Variants in ARHGAP6 observed in about 807,000 individuals in gnomAD.
The protein encoded by ARHGAP6 is Rho GTPase activating protein 6, also known as rho GTPase-activating protein 6.
In ARHGAP6, 16 loss-of-function variants were observed where a neutral mutation model predicts 55.7. The ratio of observed to expected loss-of-function variants is 0.29; its 90% CI spans 0.19 to 0.44. ARHGAP6 has a LOEUF of 0.44. ARHGAP6 is among the 20% of genes least tolerant of loss of function. The probability of loss-of-function intolerance (pLI) is 1.00; values close to 1 mark genes in which losing one functional copy is unlikely to be tolerated. For synonymous variants in ARHGAP6, 382 were observed against 360.9 expected, an observed-to-expected ratio of 1.06 and a Z score of -0.66; for missense variants, 698 against 808.9, an observed-to-expected ratio of 0.86 and a Z score of 1.66.
chrX:11,588,424 C>A (rs192700345), intron 1 of ARHGAP6, among the ~76,000 whole-genome samples: 2 of 111,605 alleles, frequency 1.8e-5, no homozygotes, highest in East Asian at 2.8e-4. Flanking sequence ...TAGGTATATA[C>A]CCAAGATAAC....
In ARHGAP6 at chrX:11,656,699, A is replaced by T. The variant is rs763037078; in HGVS notation, c.588+7542T>A. ...TTTCATCCTCATATCTCCTTATCTG[A>T]CTCTGACCTTCCTGCCTCCCTCTTA... On this transcript the variant is annotated intron_variant, in intron 1 of 12. Coordinates refer to ENST00000337414, the MANE Select transcript of ARHGAP6 (RefSeq NM_013427.3). Among the ~76,000 whole-genome samples, 5 of 109,303 alleles carry T rather than the reference A, an allele frequency of 4.6e-5. No individual in the cohort carries two copies. In the East Asian group the frequency reaches 1.4e-3, roughly 31 times the overall value. 94.9% of individuals were successfully genotyped at this position (109,303 alleles called of 115,157 possible). A position where few individuals can be genotyped will look rare whatever the true frequency, so the allele number is the denominator to read the frequency against.
intron 2 of ARHGAP6, among the ~76,000 whole-genome samples, chrX:11,244,536 A>G (rs1055726472): frequency 4.5e-5 from 5 of 112,205 alleles, no homozygotes; most frequent in African/African-American, 6.5e-5. Context: ...AATGACCTAA[A>G]AAGGCTGATT....
chrX:11,311,965 T>A (rs1384152568), intron 1 of ARHGAP6, among the ~76,000 whole-genome samples: 1 of 108,955 alleles, frequency 9.2e-6, no homozygotes, highest in Non-Finnish European at 1.9e-5. Context: ...GAACTGTGTT[T>A]GGCAAGCTCA....
At chrX:11,585,158 C>T (rs762271224) in intron 1 of ARHGAP6, among the ~76,000 whole-genome samples, 3 of 112,504 alleles carry the variant, frequency 2.7e-5, no homozygotes, top group East Asian at 5.5e-4. Context: ...ATATGTACCA[C>T]ATTTTCTTTA....
chrX:11,490,550 ATAATAAAGGTGTATGG>A (rs1455272716), intron 1 of ARHGAP6, among the ~76,000 whole-genome samples: 1 of 111,986 alleles, frequency 8.9e-6, no homozygotes, highest in Non-Finnish European at 1.9e-5. Flanking sequence ...AAACTGTGAG[ATAATAAAGGTGTATGG>A]TAAGCCTCTA....
At chrX:11,251,666 T>A (rs1358292964) in intron 2 of ARHGAP6, among the ~76,000 whole-genome samples, 1 of 112,089 alleles carries the variant, frequency 8.9e-6, no homozygotes, top group African/African-American at 3.2e-5. Flanking sequence ...CATCATTTCT[T>A]TAGGCTTTAG....
chrX:11,465,021 G>A (rs562893848), intron 1 of ARHGAP6, among the ~76,000 whole-genome samples: 4 of 111,547 alleles, frequency 3.6e-5, no homozygotes, highest in Non-Finnish European at 5.7e-5. Flanking sequence ...TTGCCAGGTC[G>A]CCACGCATCA....
chrX:11,260,082 G>T (rs1245199551), intron 1 of ARHGAP6, among the ~76,000 whole-genome samples: 1 of 110,846 alleles, frequency 9.0e-6, no homozygotes, highest in Non-Finnish European at 1.9e-5. Context: ...AGCAGAGGTG[G>T]GAGAGAGAAA....
At chrX:11,661,092 A>T (rs1216878635) in intron 1 of ARHGAP6, among the ~76,000 whole-genome samples, 1 of 112,366 alleles carries the variant, frequency 8.9e-6, no homozygotes, top group African/African-American at 3.2e-5. Context: ...TATAGAAATC[A>T]TTTTAATTAT....
chrX:11,214,089 G>T (rs762029012), intron 2 of ARHGAP6, among the ~76,000 whole-genome samples: 1 of 110,389 alleles, frequency 9.1e-6, no homozygotes, highest in Non-Finnish European at 1.9e-5. Context: ...AGTACCCAAA[G>T]GCTTAAATAT....
chrX:11,359,808 A>T (rs1437957164), intron 1 of ARHGAP6, among the ~76,000 whole-genome samples: 1 of 112,269 alleles, frequency 8.9e-6, no homozygotes, highest in Non-Finnish European at 1.9e-5. Context: ...ACGCAATAAA[A>T]AATGATAAAG....
intron 9 of ARHGAP6, 38 bp downstream of exon 9, chrX:11,169,467 A>G (rs1160866120): frequency 1.7e-6 from 2 of 1,145,948 alleles, no homozygotes; most frequent in African/African-American, 3.6e-5. Flanking sequence ...ACCAATAGGC[A>G]GTTTGCTGTG....
chrX:11,423,116 T>C (rs1177889230), intron 1 of ARHGAP6, among the ~76,000 whole-genome samples: 7 of 112,275 alleles, frequency 6.2e-5, no homozygotes, highest in Non-Finnish European at 1.1e-4. Context: ...ATAAAAATGG[T>C]TTTATAAAAG....
chrX:11,609,478 C>T (rs905972591), intron 1 of ARHGAP6, among the ~76,000 whole-genome samples: 1 of 111,329 alleles, frequency 9.0e-6, no homozygotes, highest in African/African-American at 3.3e-5. Context: ...GGCATTAACC[C>T]CGCTTGACAT....
chrX:11,172,035 T>G (rs773092901), intron 8 of ARHGAP6, among the ~76,000 whole-genome samples: 17 of 111,381 alleles, frequency 1.5e-4, no homozygotes, highest in African/African-American at 5.5e-4. Context: ...CCTGGGAAGA[T>G]CTACATAGAT....
chrX:11,207,937 G>T (rs1461116271), intron 2 of ARHGAP6, among the ~76,000 whole-genome samples: 1 of 111,387 alleles, frequency 9.0e-6, no homozygotes, highest in Non-Finnish European at 1.9e-5. Context: ...GCCCATGTTA[G>T]GAATTAGCAT....
In ARHGAP6 at chrX:11,189,016, AGACT is replaced by A. The variant is rs768754742; in HGVS notation, c.821-36_821-33del. 9 of 1,194,354 alleles carry A rather than the reference AGACT, an allele frequency of 7.5e-6. No individual in the cohort carries two copies. The African/African-American group carries it at 1.2e-4, about 16-fold the overall frequency. On this transcript the variant is annotated intron_variant, in intron 3 of 12. Coordinates refer to ENST00000337414, the MANE Select transcript of ARHGAP6 (RefSeq NM_013427.3). ...TCAAAAAACAGACATTCACTTTCAG[AGACT>A]GACTGGTCCAGTGAACACTCTCATT...
At chrX:11,343,229 C>T (rs1044188937) in intron 1 of ARHGAP6, among the ~76,000 whole-genome samples, 3 of 112,290 alleles carry the variant, frequency 2.7e-5, no homozygotes, top group East Asian at 2.8e-4. Context: ...TGACCAGATG[C>T]GTTTAAAAAT....
chrX:11,606,624 G>T lies in ARHGAP6; in HGVS notation c.588+57617C>A, dbSNP rs374549621. Among the ~76,000 whole-genome samples, 25 of 111,562 alleles carry T rather than the reference G, an allele frequency of 2.2e-4. No homozygotes were observed. The East Asian group carries it at 7.1e-3, about 32-fold the overall frequency. The stretch of plus-strand genomic sequence containing the variant: ...GGATCTCCCTTAGACACAGTCCAGG[G>T]AACACATAGGGGAAAGCACAGTGGG... On this transcript the variant is annotated intron_variant, in intron 1 of 12. Transcript: ENST00000337414.
Sources: gnomAD v4.1 joint callset for allele counts (sites outside exome capture counted in the v4.1 genomes callset) on GRCh38, gnomAD v4.1.1 for gene constraint, MANE v1.5 for transcripts, NCBI Gene and HGNC (gene_info 2026-07-23, HGNC 2026-07-21) for gene names.